Variants in EPHA3 observed in about 807,000 individuals in gnomAD.
EPHA3 encodes ephrin type-A receptor 3.
A neutral mutation model predicts 107.1 loss-of-function variants in EPHA3; 42 were observed. The ratio of observed to expected loss-of-function variants is 0.39; its 90% CI spans 0.31 to 0.51. The LOEUF is 0.51. Ranked by LOEUF, EPHA3 falls within the 20% of genes least tolerant of loss-of-function variation. The pLI, the probability that EPHA3 is intolerant of heterozygous loss-of-function variation, is 0.78. For missense variants in EPHA3, 1,183 were observed against 1,211.2 expected, an observed-to-expected ratio of 0.98 and a Z score of 0.35; for synonymous variants, 461 against 424.8, an observed-to-expected ratio of 1.09 and a Z score of -1.05.
intron 2 of EPHA3, among the ~76,000 whole-genome samples, chr3:89,185,998 T>C (rs542689648): frequency 6.6e-6 from 1 of 152,142 alleles, no homozygotes; most frequent in Non-Finnish European, 1.5e-5. Context: ...TTCCTTCTTT[T>C]TACTTTCTCT....
chr3:89,481,712 C>T lies in EPHA3; in HGVS notation c.*2210C>T, dbSNP rs893891772. ...CTTGACCTCTCATAAATTTACTTTA[C>T]ACAATTCTTACCCTGTACATATGTA... is the stretch of plus-strand genomic sequence containing the variant. On this transcript the variant is annotated 3_prime_UTR_variant, in exon 17 of 17. Coordinates refer to ENST00000336596, the MANE Select transcript of EPHA3 (RefSeq NM_005233.6). The T allele has an allele frequency of 3.9e-5, 9 of 231,706 alleles. No individual in the cohort carries two copies. The highest frequency in any genetic ancestry group is 1.8e-4 in the African/African-American group (8 of 45,234). The allele number at this position is 231,706 out of a possible 1,614,324, so 14.4% of individuals were successfully genotyped here. A position where few individuals can be genotyped will look rare whatever the true frequency, so the allele number is the denominator to read the frequency against.
At chr3:89,252,509 T>A (rs1252115220) in intron 3 of EPHA3, among the ~76,000 whole-genome samples, 2 of 152,000 alleles carry the variant, frequency 1.3e-5, no homozygotes, top group African/African-American at 2.4e-5. Context: ...AGGATGAGGA[T>A]CTCTTACCCC....
At chr3:89,133,565 G>C (rs1437692537) in intron 2 of EPHA3, among the ~76,000 whole-genome samples, 1 of 152,178 alleles carries the variant, frequency 6.6e-6, no homozygotes, top group South Asian at 2.1e-4. Flanking sequence ...GGAGATGCTT[G>C]AAGAAGTGGT....
intron 2 of EPHA3, among the ~76,000 whole-genome samples, chr3:89,165,508 G>A (rs1419320241): frequency 6.6e-6 from 1 of 152,102 alleles, no homozygotes; most frequent in Non-Finnish European, 1.5e-5. Flanking sequence ...TCTAATGCAT[G>A]GATTAAAAAC....
At chr3:89,203,017 A>G (rs2107165142) in intron 2 of EPHA3, among the ~76,000 whole-genome samples, 1 of 152,278 alleles carries the variant, frequency 6.6e-6, no homozygotes, top group South Asian at 2.1e-4. Context: ...GTGAAAAACC[A>G]GATGGGATAA....
rs780247592 is a variant in EPHA3, at chr3:89,413,208, T to C, written c.1830T>C (p.His610=). ...ATGAAGACCCTACCCAAGCTGTTCA[T>C]GAGTTTGCCAAGGAATTGGATGCCA... The part of the protein sequence containing the change: ...HTYEDPTQAV[H]EFAKELDATN... Residue 610 remains histidine, a synonymous_variant, in exon 10 of 17, where the codon CAT becomes CAC. Transcript: ENST00000336596. The C allele has an allele frequency of 4.3e-6, 7 of 1,611,470 alleles. No individual in the cohort carries two copies. In the South Asian group the frequency reaches 7.7e-5, roughly 18 times the overall value.
chr3:89,470,401 C>T (rs911705264), intron 15 of EPHA3, among the ~76,000 whole-genome samples: 3 of 152,176 alleles, frequency 2.0e-5, no homozygotes, highest in Non-Finnish European at 4.4e-5. Flanking sequence ...TCACCATTTA[C>T]ATAAGAATAA....
At chr3:89,442,236 A>G (rs887223894) in intron 13 of EPHA3, among the ~76,000 whole-genome samples, 8 of 152,174 alleles carry the variant, frequency 5.3e-5, no homozygotes, top group Admixed American at 2.0e-4. Context: ...TTACATCATC[A>G]AAACCCAAGT....
At chr3:89,148,040 GA>G (rs1559752547) in intron 2 of EPHA3, among the ~76,000 whole-genome samples, 1 of 151,842 alleles carries the variant, frequency 6.6e-6, no homozygotes, top group Non-Finnish European at 1.5e-5. Context: ...TTATATTCTA[GA>G]AGTATACAAT....
chr3:89,332,536 C>T (rs1241867584), intron 3 of EPHA3, among the ~76,000 whole-genome samples: 2 of 152,204 alleles, frequency 1.3e-5, no homozygotes, highest in Non-Finnish European at 2.9e-5. Flanking sequence ...AATGACTGAA[C>T]GTAGCCACTT....
At chr3:89,419,467 G>A (rs372379361) in intron 11 of EPHA3, 77 bp downstream of exon 11, 3 of 1,357,504 alleles carry the variant, frequency 2.2e-6, no homozygotes, top group African/African-American at 1.5e-5. Context: ...AACCATTTAA[G>A]AATTTTGGCT....
At chr3:89,358,215 C>T (rs1256564249) in intron 5 of EPHA3, among the ~76,000 whole-genome samples, 1 of 150,858 alleles carries the variant, frequency 6.6e-6, no homozygotes, top group African/African-American at 2.4e-5. Context: ...AGGGTTATGG[C>T]TACATTGAGA....
intron 2 of EPHA3, among the ~76,000 whole-genome samples, chr3:89,156,939 A>G (rs1704820595): frequency 6.6e-6 from 1 of 151,930 alleles, no homozygotes; most frequent in African/African-American, 2.4e-5. Flanking sequence ...GACAGAAAAC[A>G]GGACACCTCT....
At chr3:89,445,884 G>C (rs1709868108) in intron 13 of EPHA3, among the ~76,000 whole-genome samples, 1 of 152,106 alleles carries the variant, frequency 6.6e-6, no homozygotes, top group Admixed American at 6.6e-5. Flanking sequence ...AGAATATTTT[G>C]TTAAAAATTA....
chr3:89,449,671 G>A (rs1709949090), intron 14 of EPHA3, among the ~76,000 whole-genome samples: 1 of 152,136 alleles, frequency 6.6e-6, no homozygotes, highest in Admixed American at 6.5e-5. Context: ...GCACATTGAA[G>A]TTTGAAAGTC....
chr3:89,262,391 C>G (rs1015590372), intron 3 of EPHA3, among the ~76,000 whole-genome samples: 2 of 152,100 alleles, frequency 1.3e-5, no homozygotes, highest in African/African-American at 4.8e-5. Flanking sequence ...GTTTCCTTTG[C>G]CTCTTTCTAG....
At chr3:89,132,140 G>A (rs1704219668) in intron 2 of EPHA3, among the ~76,000 whole-genome samples, 1 of 152,230 alleles carries the variant, frequency 6.6e-6, no homozygotes, top group East Asian at 1.9e-4. Flanking sequence ...CATTTCCTCC[G>A]TTTGGGCTTG....
At chr3:89,187,243 A>G (rs373766567) in intron 2 of EPHA3, among the ~76,000 whole-genome samples, 1 of 150,168 alleles carries the variant, frequency 6.7e-6, no homozygotes, top group African/African-American at 2.4e-5. Context: ...TGCTTAATGT[A>G]TATTAATAAG....
At chr3:89,294,439 T>A (rs1340907705) in intron 3 of EPHA3, among the ~76,000 whole-genome samples, 1 of 152,160 alleles carries the variant, frequency 6.6e-6, no homozygotes, top group Non-Finnish European at 1.5e-5. Context: ...TTTAAAATGC[T>A]TTTTCTCTGT....
Sources: gnomAD v4.1 joint callset for allele counts (sites outside exome capture counted in the v4.1 genomes callset) on GRCh38, gnomAD v4.1.1 for gene constraint, MANE v1.5 for transcripts, NCBI Gene and HGNC (gene_info 2026-07-23, HGNC 2026-07-21) for gene names.